PTPRJ: variants seen among roughly 807,000 people sequenced by gnomAD.
PTPRJ encodes the protein protein tyrosine phosphatase receptor type J, also known as receptor-type tyrosine-protein phosphatase eta.
A neutral mutation model predicts 141.3 loss-of-function variants in PTPRJ; 129 were observed. That is an observed-to-expected ratio of 0.91 (90% confidence interval 0.79 to 1.06). The LOEUF is 1.06. PTPRJ is among the 50% of genes least tolerant of loss of function. The pLI is 0.00. For missense variants in PTPRJ, 1,601 were observed against 1,679.7 expected, an observed-to-expected ratio of 0.95 and a Z score of 0.82; for synonymous variants, 610 against 640.5, an observed-to-expected ratio of 0.95 and a Z score of 0.72.
chr11:48,022,864 T>C (rs1306161969), intron 1 of PTPRJ, among the ~76,000 whole-genome samples: 1 of 152,134 alleles, frequency 6.6e-6, no homozygotes. Flanking sequence ...ACCCAAGGAC[T>C]CTTTCTGGGA....
intron 1 of PTPRJ, among the ~76,000 whole-genome samples, chr11:48,016,884 G>A (rs1054430905): frequency 6.6e-6 from 1 of 152,078 alleles, no homozygotes; most frequent in Non-Finnish European, 1.5e-5. Flanking sequence ...AAAACAAGCA[G>A]ATGAGCAGGG....
intron 1 of PTPRJ, among the ~76,000 whole-genome samples, chr11:48,030,512 C>T (rs530871795): frequency 1.6e-4 from 24 of 152,054 alleles, no homozygotes; most frequent in South Asian, 1.5e-3. Context: ...TTCAGCTGGG[C>T]GCGGTGGGTC....
chr11:48,119,874 G>A (rs907413693), intron 3 of PTPRJ, among the ~76,000 whole-genome samples: 3 of 152,134 alleles, frequency 2.0e-5, no homozygotes, highest in South Asian at 4.1e-4. Flanking sequence ...TTTACTCTTC[G>A]GTTTCTGGTT....
chr11:48,134,562 G>T (rs1179604866), intron 8 of PTPRJ, among the ~76,000 whole-genome samples: 1 of 152,194 alleles, frequency 6.6e-6, no homozygotes, highest in African/African-American at 2.4e-5. Flanking sequence ...TTTTGGAGTA[G>T]ATAGTACGTA....
At chr11:47,994,443 T>G (rs1854278452) in intron 1 of PTPRJ, among the ~76,000 whole-genome samples, 1 of 151,880 alleles carries the variant, frequency 6.6e-6, no homozygotes, top group Non-Finnish European at 1.5e-5. Context: ...TTGCCTGAGC[T>G]CAGGAGTTAG....
At chr11:48,150,419 A>G (rs1857452903) in intron 18 of PTPRJ, among the ~76,000 whole-genome samples, 1 of 152,204 alleles carries the variant, frequency 6.6e-6, no homozygotes, top group African/African-American at 2.4e-5. Flanking sequence ...TTAAATGGCT[A>G]TATAACGCAA....
intron 1 of PTPRJ, among the ~76,000 whole-genome samples, chr11:48,003,797 A>G (rs923119772): frequency 1.5e-4 from 23 of 152,092 alleles, no homozygotes; most frequent in African/African-American, 5.6e-4. Context: ...TGCCCAGCCA[A>G]TATTTTAAAT....
intron 1 of PTPRJ, among the ~76,000 whole-genome samples, chr11:48,106,763 C>CTTT (rs35643138): frequency 0.011 from 911 of 86,020 alleles, 24 homozygotes; most frequent in African/African-American, 0.034. Flanking sequence ...TTCTTTCTTT[C>CTTT]TTTTTTTTTT....
chr11:48,000,709 T>C (rs1854473700), intron 1 of PTPRJ, among the ~76,000 whole-genome samples: 1 of 151,984 alleles, frequency 6.6e-6, no homozygotes, highest in South Asian at 2.1e-4. Context: ...ACTATCCTCC[T>C]CGCTCCTTCT....
At position 48,127,785 on chromosome 11, in the gene PTPRJ, A is replaced by G. The variant is rs147814465; in HGVS notation, c.1099A>G (p.Ile367Val). The G allele has an allele frequency of 3.0e-4, 486 of 1,613,914 alleles. No homozygotes were observed. The highest frequency in any genetic ancestry group is 3.8e-4 in the Non-Finnish European group (445 of 1,179,922). Reference sequence around the variant, plus strand: ...CTCCTCTTGTGTTCTCACAGATGCTATTCAGGTTTTTGACGTCACCGCTGT... The same window carrying G: ...CTCCTCTTGTGTTCTCACAGATGCTGTTCAGGTTTTTGACGTCACCGCTGT... The part of the protein sequence containing the change: ...PQAIEFRTNA[I>V]QVFDVTAVNI... The change falls in exon 7 of 25, where the codon ATT becomes GTT. Residue 367 changes from isoleucine to valine, a missense_variant. Coordinates refer to ENST00000418331, the MANE Select transcript of PTPRJ (RefSeq NM_002843.4).
intron 24 of PTPRJ, 71 bp from the exon 25 acceptor site, chr11:48,167,133 A>G: frequency 6.8e-7 from 1 of 1,465,524 alleles, no homozygotes; most frequent in African/African-American, 1.4e-5. Context: ...GACCTGTTTG[A>G]AAATAATTTT....
intron 1 of PTPRJ, among the ~76,000 whole-genome samples, chr11:48,052,765 C>T (rs1401147948): frequency 6.6e-6 from 1 of 152,128 alleles, no homozygotes; most frequent in Admixed American, 6.6e-5. Context: ...ACATGTCCTT[C>T]ATGCATCCCT....
At chr11:48,084,644 A>G (rs751880998) in intron 1 of PTPRJ, among the ~76,000 whole-genome samples, 3 of 152,218 alleles carry the variant, frequency 2.0e-5, no homozygotes, top group Non-Finnish European at 4.4e-5. Flanking sequence ...GATTGGCTGA[A>G]GCAGACGAGC....
At chr11:48,116,808 T>C (rs773683810) in intron 3 of PTPRJ, among the ~76,000 whole-genome samples, 1 of 152,170 alleles carries the variant, frequency 6.6e-6, no homozygotes, top group Admixed American at 6.5e-5. Context: ...AACAACATGC[T>C]CCTGAATAAC....
chr11:48,028,539 C>T (rs1853886086), intron 1 of PTPRJ, among the ~76,000 whole-genome samples: 1 of 152,156 alleles, frequency 6.6e-6, no homozygotes, highest in East Asian at 1.9e-4. Flanking sequence ...ACCTGTAATC[C>T]CAGCACTTTG....
intron 1 of PTPRJ, among the ~76,000 whole-genome samples, chr11:48,007,548 A>G (rs940844870): frequency 2.0e-5 from 3 of 152,146 alleles, no homozygotes; most frequent in African/African-American, 4.8e-5. Context: ...GATTACAAGC[A>G]TGTGCCACCA....
Position 48,112,213 on chromosome 11 carries a change from G to A in PTPRJ, c.116-534G>A, listed in dbSNP as rs1301532803. Reference sequence around the variant, plus strand: ...CAGACAGAACGTCTGGTCACACTCTGTTTGACAGAAGTTAGTCACATGCAA... The same window carrying A: ...CAGACAGAACGTCTGGTCACACTCTATTTGACAGAAGTTAGTCACATGCAA... On this transcript the variant is annotated intron_variant, in intron 2 of 24. Coordinates refer to ENST00000418331, the MANE Select transcript of PTPRJ (RefSeq NM_002843.4). Among the ~76,000 whole-genome samples the A allele has an allele frequency of 4.6e-5, 7 of 152,222 alleles. No individual in the cohort carries two copies. The East Asian group carries it at 1.3e-3, about 29-fold the overall frequency.
At chr11:47,990,493 G>A (rs1854161459) in intron 1 of PTPRJ, among the ~76,000 whole-genome samples, 1 of 151,968 alleles carries the variant, frequency 6.6e-6, no homozygotes, top group African/African-American at 2.4e-5. Context: ...TGTGATCCTG[G>A]TTCACTGCAA....
At chr11:47,987,921 G>A (rs1183678831) in intron 1 of PTPRJ, among the ~76,000 whole-genome samples, 1 of 152,186 alleles carries the variant, frequency 6.6e-6, no homozygotes, top group Non-Finnish European at 1.5e-5. Context: ...TCCCACAGAA[G>A]GTCTAATTTT....
Sources: gnomAD v4.1 joint callset for allele counts (sites outside exome capture counted in the v4.1 genomes callset) on GRCh38, gnomAD v4.1.1 for gene constraint, MANE v1.5 for transcripts, NCBI Gene and HGNC (gene_info 2026-07-23, HGNC 2026-07-21) for gene names.